The following POU6F2 variants were observed in gnomAD, a reference collection of about 807,000 sequenced individuals.
The protein encoded by POU6F2 is POU class 6 homeobox 2.
A neutral mutation model predicts 71.3 loss-of-function variants in POU6F2; 31 were observed. That is an observed-to-expected ratio of 0.43 (90% confidence interval 0.33 to 0.59). The LOEUF (loss-of-function observed/expected upper bound fraction) is 0.59. POU6F2 is among the 20% of genes least tolerant of loss of function. The pLI, the probability that POU6F2 is intolerant of heterozygous loss-of-function variation, is 0.04. For missense variants in POU6F2, 783 were observed against 856.8 expected (o/e 0.91, Z 1.07); for synonymous variants, 347 against 355.7 (o/e 0.98, Z 0.27).
chr7:39,434,280 G>A (rs1788178622), intron 7 of POU6F2, among the ~76,000 whole-genome samples: 1 of 152,094 alleles, frequency 6.6e-6, no homozygotes, highest in Non-Finnish European at 1.5e-5. Flanking sequence ...TGTGATTGGA[G>A]CAGAGAGGAG....
At chr7:39,396,898 TAAAA>T (rs35808118) in intron 5 of POU6F2, among the ~76,000 whole-genome samples, 1 of 141,296 alleles carries the variant, frequency 7.1e-6, no homozygotes, top group African/African-American at 2.6e-5. Context: ...AACCAATCAT[TAAAA>T]AAAAAAAAAA....
chr7:39,079,096 G>A (rs557187542), intron 1 of POU6F2, among the ~76,000 whole-genome samples: 12 of 149,450 alleles, frequency 8.0e-5, no homozygotes, highest in African/African-American at 2.9e-4. Flanking sequence ...GTAGAAAATA[G>A]TCTATTTGTG....
intron 1 of POU6F2, among the ~76,000 whole-genome samples, chr7:39,020,655 C>CT (rs1328070456): frequency 6.6e-6 from 1 of 152,046 alleles, no homozygotes; most frequent in Non-Finnish European, 1.5e-5. Flanking sequence ...CAGCTACTGT[C>CT]TATTTTTTAT....
intron 4 of POU6F2, among the ~76,000 whole-genome samples, chr7:39,338,061 C>T (rs1402814948): frequency 6.6e-6 from 1 of 152,146 alleles, no homozygotes; most frequent in Admixed American, 6.5e-5. Flanking sequence ...TTAAGTCAAC[C>T]ATGGAAATAA....
intron 7 of POU6F2, among the ~76,000 whole-genome samples, chr7:39,446,263 T>G (rs1788521343): frequency 6.6e-6 from 1 of 152,254 alleles, no homozygotes; most frequent in Admixed American, 6.5e-5. Context: ...ACTATGGCTC[T>G]CTGACATCTT....
intron 4 of POU6F2, among the ~76,000 whole-genome samples, chr7:39,260,539 GTTCCACACACACCACA>G (rs370467251): frequency 3.0e-4 from 36 of 119,446 alleles, no homozygotes; most frequent in East Asian, 1.0e-3. Flanking sequence ...CACATACCAC[GTTCCACACACACCACA>G]TTCCACACAC....
At chr7:39,439,687 G>A (rs529049660) in intron 7 of POU6F2, among the ~76,000 whole-genome samples, 83 of 152,016 alleles carry the variant, frequency 5.5e-4, no homozygotes, top group African/African-American at 1.6e-3. Context: ...ACAGGGTTTC[G>A]CCATGTTGGC....
chr7:39,456,578 C>G (rs765497842), intron 8 of POU6F2, among the ~76,000 whole-genome samples: 1 of 152,150 alleles, frequency 6.6e-6, no homozygotes, highest in Non-Finnish European at 1.5e-5. Context: ...AGGTAGTAAT[C>G]AGGGTAAAGC....
intron 1 of POU6F2, among the ~76,000 whole-genome samples, chr7:39,050,557 T>C (rs1019211605): frequency 1.3e-5 from 2 of 152,140 alleles, no homozygotes; most frequent in Non-Finnish European, 1.5e-5. Flanking sequence ...ATTTTCCTGC[T>C]AAACTTCTGG....
intron 2 of POU6F2, among the ~76,000 whole-genome samples, chr7:39,100,754 G>A (rs752126338): frequency 9.2e-5 from 14 of 152,092 alleles, no homozygotes; most frequent in South Asian, 2.1e-4. Flanking sequence ...TAGCTGTATC[G>A]CCCCTTAGAT....
chr7:39,153,696 A>C (rs1323135842), intron 2 of POU6F2, among the ~76,000 whole-genome samples: 2 of 152,192 alleles, frequency 1.3e-5, no homozygotes, highest in Non-Finnish European at 2.9e-5. Flanking sequence ...TCGTGGTGCT[A>C]CTTATTCAGT....
intron 5 of POU6F2, among the ~76,000 whole-genome samples, chr7:39,343,228 G>A (rs1018855753): frequency 2.3e-4 from 35 of 152,206 alleles, no homozygotes; most frequent in African/African-American, 8.4e-4. Context: ...CAAACAAGAT[G>A]CACTGTGAGC....
Position 39,452,662 on chromosome 7 carries a change from C to T in POU6F2, c.1489+961C>T, listed in dbSNP as rs80056523. On this transcript the variant is annotated intron_variant, in intron 8 of 9. Coordinates refer to ENST00000518318, the MANE Select transcript of POU6F2 (RefSeq NM_001370959.1). ...AAATGGATGGTTGCCATGACCTCCC[C>T]GACAAGTAATCCTCCTCAAAAAAGA... 6.4e-3 allele frequency among the ~76,000 whole-genome samples: 972 copies of T among 152,208 alleles called. 5 individuals are homozygous for T. The highest frequency in any genetic ancestry group is 0.022 in the African/African-American group (930 of 41,524).
At chr7:39,134,996 A>G (rs1792360692) in intron 2 of POU6F2, among the ~76,000 whole-genome samples, 1 of 149,802 alleles carries the variant, frequency 6.7e-6, no homozygotes, top group Non-Finnish European at 1.5e-5. Flanking sequence ...AGAGAACAAT[A>G]AAAGAAAATG....
At chr7:38,990,170 A>G (rs1158163287) in intron 1 of POU6F2, among the ~76,000 whole-genome samples, 1 of 152,138 alleles carries the variant, frequency 6.6e-6, no homozygotes, top group African/African-American at 2.4e-5. Context: ...ATTGTATTGT[A>G]TCATTAAGGA....
At chr7:39,214,313 G>A (rs1204903746) in intron 4 of POU6F2, among the ~76,000 whole-genome samples, 1 of 152,096 alleles carries the variant, frequency 6.6e-6, no homozygotes, top group Non-Finnish European at 1.5e-5. Context: ...CACCCAGAAA[G>A]CATCAAGCCT....
intron 1 of POU6F2, among the ~76,000 whole-genome samples, chr7:39,075,303 T>C (rs1341508540): frequency 6.6e-6 from 1 of 152,124 alleles, no homozygotes; most frequent in Non-Finnish European, 1.5e-5. Context: ...GGGGAGGGCC[T>C]GGCATGGTGG....
chr7:39,224,980 G>GT, intron 4 of POU6F2, among the ~76,000 whole-genome samples: 1 of 152,128 alleles, frequency 6.6e-6, no homozygotes, highest in Non-Finnish European at 1.5e-5. Flanking sequence ...GCTGCCAACT[G>GT]TTTTTTAAGA....
chr7:39,129,786 G>T (rs968329371), intron 2 of POU6F2, among the ~76,000 whole-genome samples: 2 of 151,876 alleles, frequency 1.3e-5, no homozygotes, highest in Non-Finnish European at 2.9e-5. Flanking sequence ...TTTTTCGGCC[G>T]GGCGCTGTGG....
Sources: allele counts gnomAD v4.1 joint callset (sites outside exome capture counted in the v4.1 genomes callset), GRCh38; gene constraint gnomAD v4.1.1; transcripts MANE v1.5; gene names NCBI Gene and HGNC (gene_info 2026-07-23, HGNC 2026-07-21).